Variants in ARSL observed in about 807,000 individuals in gnomAD.
ARSL encodes arylsulfatase L, also known as arylsulfatase E (chondrodysplasia punctata 1).
A neutral mutation model predicts 31.1 loss-of-function variants in ARSL; 4 were observed. The ratio of observed to expected loss-of-function variants is 0.13; its 90% CI spans 0.06 to 0.29. The LOEUF (loss-of-function observed/expected upper bound fraction) is 0.29. Among genes scored for constraint, ARSL ranks in the 10% least tolerant of loss-of-function variants. The pLI is 1.00. For missense variants in ARSL, 312 were observed against 497.8 expected, an observed-to-expected ratio of 0.63 and a Z score of 3.55; for synonymous variants, 198 against 209.9, an observed-to-expected ratio of 0.94 and a Z score of 0.49.
intron 3 of ARSL, among the ~76,000 whole-genome samples, chrX:2,955,874 A>C (rs2089517793): frequency 8.9e-6 from 1 of 112,017 alleles, no homozygotes. Flanking sequence ...AAAAATCTAC[A>C]AAAATAGAAA....
At chrX:2,956,413 T>C (rs150134401) in intron 3 of ARSL, among the ~76,000 whole-genome samples, 3,586 of 111,601 alleles carry the variant, frequency 0.032, 147 homozygotes, top group African/African-American at 0.11. Flanking sequence ...GAGATCAATA[T>C]TGGTCTTCTG....
intron 2 of ARSL, chrX:2,959,793 T>C (rs1008570151): frequency 9.8e-7 from 1 of 1,024,727 alleles, no homozygotes; most frequent in Non-Finnish European, 1.3e-6. Flanking sequence ...TGGTGGCTCA[T>C]GCCCATTATC....
chrX:2,946,414 C>T lies in ARSL; in HGVS notation c.855-280G>A, dbSNP rs774910818. Among the ~76,000 whole-genome samples the T allele has an allele frequency of 4.9e-5, 5 of 102,390 alleles. No individual in the cohort carries two copies. In the South Asian group the frequency reaches 2.4e-3, roughly 48 times the overall value. The allele number at this position is 102,390 out of a possible 115,157, so 88.9% of individuals were successfully genotyped here. A position where few individuals can be genotyped will look rare whatever the true frequency, so the allele number is the denominator to read the frequency against. ...AGTGCAGTGACATGATCTCAGCTCA[C>T]TGCAGCCTCAATCTCCCAGGCTCAA... On this transcript the variant is annotated intron_variant, in intron 6 of 10. Coordinates refer to ENST00000381134, the MANE Select transcript of ARSL (RefSeq NM_000047.3).
upstream of ARSL, among the ~76,000 whole-genome samples, chrX:2,966,775 A>G (rs1370791664): frequency 9.1e-6 from 1 of 109,495 alleles, no homozygotes; most frequent in Non-Finnish European, 1.9e-5. Flanking sequence ...ATGTACATAT[A>G]CGTACACATC....
chrX:2,958,507 T>C, intron 2 of ARSL, 72 bp from the exon 3 acceptor site: 2 of 1,084,840 alleles, frequency 1.8e-6, no homozygotes, highest in Non-Finnish European at 2.5e-6. Flanking sequence ...TTGGCATCAC[T>C]ATTTTAAGAG....
At chrX:2,961,798 A>C (rs2089638686) in intron 1 of ARSL, among the ~76,000 whole-genome samples, 1 of 110,906 alleles carries the variant, frequency 9.0e-6, no homozygotes, top group Non-Finnish European at 1.9e-5. Context: ...ACTTCAAAAT[A>C]ACCTTGGTCT....
chrX:2,966,996 G>A (rs193211445), upstream of ARSL, among the ~76,000 whole-genome samples: 402 of 110,718 alleles, frequency 3.6e-3, 1 homozygote, highest in African/African-American at 8.6e-3. Flanking sequence ...TACATGTAAC[G>A]TTAATATATG....
chrX:2,960,920 T>C (rs750087519), intron 1 of ARSL, among the ~76,000 whole-genome samples: 11 of 110,901 alleles, frequency 9.9e-5, no homozygotes, highest in Non-Finnish European at 2.1e-4. Flanking sequence ...GGTATGAAGA[T>C]CAGAAATACA....
At chrX:2,959,648 G>A in intron 2 of ARSL, 1 of 1,153,865 alleles carries the variant, frequency 8.7e-7, no homozygotes, top group African/African-American at 1.8e-5. Flanking sequence ...GGCTGCCTGG[G>A]GCAACATCAA....
chrX:2,940,834 G>A (rs1365560060), intron 8 of ARSL, among the ~76,000 whole-genome samples: 2 of 111,381 alleles, frequency 1.8e-5, no homozygotes, highest in Non-Finnish European at 3.8e-5. Context: ...ACTTATGATC[G>A]CTGAGACAGG....
intron 6 of ARSL, among the ~76,000 whole-genome samples, chrX:2,948,506 A>G (rs977924012): frequency 5.4e-5 from 6 of 111,512 alleles, no homozygotes; most frequent in Non-Finnish European, 1.1e-4. Context: ...CTGACCTGTA[A>G]CAATTTCTTT....
Position 2,964,279 on chromosome X carries a change from C to G in ARSL, c.-76G>C. On this transcript the variant is annotated 5_prime_UTR_variant, in exon 1 of 11. Transcript: ENST00000381134. The stretch of plus-strand genomic sequence containing the variant: ...GATCAAGAAGAGGAAGGTTCTCTCC[C>G]AAAGGAAGCAAGCGTGAAGGCAGAG... 1 of 754,096 alleles carries G rather than the reference C, an allele frequency of 1.3e-6. No individual in the cohort carries two copies. The highest frequency in any genetic ancestry group is 1.6e-6 in the Non-Finnish European group (1 of 639,339). The allele number at this position is 754,096 out of a possible 1,213,427, so 62.1% of individuals were successfully genotyped here.
Position 2,944,472 on chromosome X carries a change from AC to A in ARSL, c.992-1274del, listed in dbSNP as rs1361669442. Among the ~76,000 whole-genome samples, 14 of 60,678 alleles carry A rather than the reference AC, an allele frequency of 2.3e-4. No homozygotes were observed. The South Asian group carries it at 0.012, about 54-fold the overall frequency. 52.7% of individuals were successfully genotyped at this position (60,678 alleles called of 115,157 possible). A position where few individuals can be genotyped will look rare whatever the true frequency, so the allele number is the denominator to read the frequency against. On this transcript the variant is annotated intron_variant, in intron 7 of 10. Transcript: ENST00000381134. The stretch of plus-strand genomic sequence containing the variant: ...CGGTCTCAAAAAAAAAACAAAAAAA[AC>A]AAAAAAAAAAAAACAAAACAAAAAG...
rs2089596576 is a variant in ARSL at position 2,960,181 on chromosome X, A to G, written c.23+197T>C. Among the ~76,000 whole-genome samples the G allele has an allele frequency of 3.9e-5, 3 of 76,818 alleles. 1 individual carries two copies. Among genetic ancestry groups the G allele is most frequent in the Non-Finnish European group, 5.1e-5 (2 of 38,839 alleles). The allele number at this position is 76,818 out of a possible 115,157, so 66.7% of individuals were successfully genotyped here. A position where few individuals can be genotyped will look rare whatever the true frequency, so the allele number is the denominator to read the frequency against. Reference sequence around the variant, plus strand: ...CTACTCGGGAGGCTGAGGCAGGAGAATGGTGTGAACCCGGGAGGCGGAGCT... The same window carrying G: ...CTACTCGGGAGGCTGAGGCAGGAGAGTGGTGTGAACCCGGGAGGCGGAGCT... On this transcript the variant is annotated intron_variant, in intron 2 of 10. Transcript: ENST00000381134.
intron 1 of ARSL, among the ~76,000 whole-genome samples, chrX:2,961,517 T>C (rs1393335404): frequency 3.6e-5 from 4 of 112,112 alleles, no homozygotes; most frequent in Non-Finnish European, 5.6e-5. Flanking sequence ...AATCTGACTC[T>C]GGCATAACAT....
chrX:2,935,005 C>A lies in ARSL; in HGVS notation c.1597G>T (p.Val533Leu). 8.3e-7 allele frequency: 1 copy of A among 1,210,982 alleles called. No individual in the cohort carries two copies. The highest frequency in any genetic ancestry group is 1.8e-5 in the South Asian group (1 of 56,864). Residue 533 changes from valine (V) to leucine (L), a missense_variant, in exon 11 of 11, where the codon GTG (valine) becomes TTG (leucine). Coordinates refer to ENST00000381134, the MANE Select transcript of ARSL (RefSeq NM_000047.3). The stretch of plus-strand genomic sequence containing the variant: ...ACTCGTTCCATCACCTGATAGAACA[C>A]GGGCTCTGAGGCTGGTGTGAGGATG... ...THILTPASEP[V>L]FYQVMERVQQ...
chrX:2,964,619 T>C (rs1235117324), upstream of ARSL: 1 of 226,666 alleles, frequency 4.4e-6, no homozygotes, highest in Admixed American at 9.5e-5. Context: ...ATTCTGCCAG[T>C]GTCCTTAGGT....
chrX:2,958,451 T>A lies in ARSL; in HGVS notation c.24-16A>T, dbSNP rs897260854. ...GAAACACAAACTGTCAGAGACTGCG[T>A]CATGCTCCTGTCCATCTCATTTGCA... is the stretch of plus-strand genomic sequence containing the variant. On this transcript the variant is annotated splice_polypyrimidine_tract_variant and intron_variant, in intron 2 of 10. Transcript: ENST00000381134. The A allele has an allele frequency of 1.7e-6, 2 of 1,211,452 alleles. No individual in the cohort carries two copies. Among genetic ancestry groups the A allele is most frequent in the South Asian group, 3.5e-5 (2 of 56,935 alleles).
At chrX:2,935,524 C>G (rs941576462) in intron 10 of ARSL, among the ~76,000 whole-genome samples, 2 of 111,726 alleles carry the variant, frequency 1.8e-5, no homozygotes, top group African/African-American at 6.5e-5. Flanking sequence ...TTTCCAGGGT[C>G]TGCAGGGTGT....
Sources: allele counts gnomAD v4.1 joint callset (sites outside exome capture counted in the v4.1 genomes callset), GRCh38; gene constraint gnomAD v4.1.1; transcripts MANE v1.5; gene names NCBI Gene and HGNC (gene_info 2026-07-23, HGNC 2026-07-21).